The following PITPNC1 variants were observed in gnomAD, a reference collection of about 807,000 sequenced individuals.
PITPNC1 encodes cytoplasmic phosphatidylinositol transfer protein 1.
Under a neutral mutation model 44.7 loss-of-function variants are expected in PITPNC1, and 18 were observed. The observed-to-expected ratio is 0.40, with a 90% CI of 0.28 to 0.60. PITPNC1 has a LOEUF of 0.60. PITPNC1 is among the 20% of genes least tolerant of loss of function. PITPNC1 has a pLI of 0.39. For missense variants in PITPNC1, 290 were observed against 418.4 expected, an observed-to-expected ratio of 0.69 and a Z score of 2.68; for synonymous variants, 141 against 149.6, an observed-to-expected ratio of 0.94 and a Z score of 0.42.
At chr17:67,416,545 C>T (rs1202094895) in intron 1 of PITPNC1, among the ~76,000 whole-genome samples, 2 of 151,922 alleles carry the variant, frequency 1.3e-5, no homozygotes, top group African/African-American at 4.8e-5. Context: ...TACAATGGAG[C>T]ATTGTATATT....
chr17:67,424,655 TCA>T (rs1178323898), intron 1 of PITPNC1, among the ~76,000 whole-genome samples: 2 of 151,938 alleles, frequency 1.3e-5, no homozygotes, highest in Non-Finnish European at 2.9e-5. Flanking sequence ...AGACTCCGTC[TCA>T]CAAAAACAAA....
At chr17:67,630,850 T>A (rs1274989716) in intron 5 of PITPNC1, among the ~76,000 whole-genome samples, 1 of 151,484 alleles carries the variant, frequency 6.6e-6, no homozygotes, top group East Asian at 2.0e-4. Context: ...TAGCTGGGAT[T>A]ACAGGTGTGC....
intron 5 of PITPNC1, among the ~76,000 whole-genome samples, chr17:67,581,296 G>A (rs1041433040): frequency 6.6e-6 from 1 of 152,230 alleles, no homozygotes; most frequent in African/African-American, 2.4e-5. Context: ...AGGCCCCTTT[G>A]AGACTTAGGC....
rs531925219 is a variant in PITPNC1 at position 67,462,997 on chromosome 17, C to T, written c.49-69805C>T. ...GATTACAGGCGTGAGCCGCCGCCCC[C>T]GGCAACAATTGGAAATTTTTTAAAA... On this transcript the variant is annotated intron_variant, in intron 1 of 8. Coordinates refer to ENST00000581322, the MANE Select transcript of PITPNC1 (RefSeq NM_012417.4). Among the ~76,000 whole-genome samples, 261 of 152,266 alleles carry T rather than the reference C, an allele frequency of 1.7e-3. 1 individual carries two copies. Among genetic ancestry groups the T allele is most frequent in the Non-Finnish European group, 2.9e-3 (196 of 68,024 alleles).
intron 1 of PITPNC1, among the ~76,000 whole-genome samples, chr17:67,530,314 A>G (rs1027366699): frequency 1.3e-5 from 2 of 151,884 alleles, no homozygotes; most frequent in African/African-American, 2.4e-5. Flanking sequence ...GATGGTCTCT[A>G]TCTCCTGACC....
rs111905156 is a variant in PITPNC1 at position 67,506,085 on chromosome 17, C to T, written c.49-26717C>T. ...ACTCAGTCCCTTTCCCTTTTCTCTC[C>T]CTCCTCCCTCAAATCATCATGCTTG... On this transcript the variant is annotated intron_variant, in intron 1 of 8. Transcript: ENST00000581322. Among the ~76,000 whole-genome samples, 871 of 152,176 alleles carry T rather than the reference C, an allele frequency of 5.7e-3. 10 individuals carry two copies. The highest frequency in any genetic ancestry group is 0.02 in the African/African-American group (838 of 41,510).
At chr17:67,571,497 G>A (rs116176199) in intron 4 of PITPNC1, among the ~76,000 whole-genome samples, 1 of 152,356 alleles carries the variant, frequency 6.6e-6, no homozygotes, top group African/African-American at 2.4e-5. Context: ...CCATGGGTCA[G>A]GAGTTGGAAC....
chr17:67,552,452 C>A (rs894163160), intron 3 of PITPNC1, 107 bp downstream of exon 3: 26 of 706,764 alleles, frequency 3.7e-5, no homozygotes, highest in Non-Finnish European at 6.4e-5. Context: ...CTTGTGGGAG[C>A]CCCGTAGTAT....
chr17:67,453,938 T>C (rs1382878180), intron 1 of PITPNC1, among the ~76,000 whole-genome samples: 3 of 152,068 alleles, frequency 2.0e-5, no homozygotes, highest in Non-Finnish European at 2.9e-5. Context: ...ACTTTTCACA[T>C]GGGGGAAGCA....
Position 67,695,427 on chromosome 17 carries a change from A to G in PITPNC1, c.*2539A>G, listed in dbSNP as rs545584650. On this transcript the variant is annotated 3_prime_UTR_variant, in exon 9 of 9. Coordinates refer to ENST00000581322, the MANE Select transcript of PITPNC1 (RefSeq NM_012417.4). ...TGCAATGGATGTATATATACAGAAC[A>G]TTAATAATTCTTAGAAGGATGGAAG... The G allele has an allele frequency of 6.6e-6, 1 of 152,034 alleles. No homozygotes were observed. 9.4% of individuals were successfully genotyped at this position (152,034 alleles called of 1,614,324 possible).
At chr17:67,393,446 A>G (rs2038168824) in intron 1 of PITPNC1, among the ~76,000 whole-genome samples, 1 of 151,884 alleles carries the variant, frequency 6.6e-6, no homozygotes. Context: ...CATTAAACTC[A>G]TTCATCGTTT....
At chr17:67,626,409 C>T (rs1276133460) in intron 5 of PITPNC1, among the ~76,000 whole-genome samples, 3 of 152,256 alleles carry the variant, frequency 2.0e-5, no homozygotes, top group East Asian at 1.9e-4. Flanking sequence ...CTTGCCCTGT[C>T]GCACAGGCTG....
chr17:67,639,454 G>A (rs1194350454), intron 6 of PITPNC1, among the ~76,000 whole-genome samples: 1 of 152,182 alleles, frequency 6.6e-6, no homozygotes, highest in Non-Finnish European at 1.5e-5. Context: ...AGGATATAAA[G>A]GCCATCTTAC....
intron 1 of PITPNC1, among the ~76,000 whole-genome samples, chr17:67,405,393 G>A (rs1189768553): frequency 6.6e-6 from 1 of 151,542 alleles, no homozygotes; most frequent in African/African-American, 2.4e-5. Flanking sequence ...CTCCAGTCTG[G>A]GTGATAGAGC....
At chr17:67,556,956 T>C (rs2040844972) in intron 4 of PITPNC1, among the ~76,000 whole-genome samples, 1 of 152,140 alleles carries the variant, frequency 6.6e-6, no homozygotes, top group Non-Finnish European at 1.5e-5. Context: ...GGGAGAAATA[T>C]GAGGAGGTTT....
intron 1 of PITPNC1, among the ~76,000 whole-genome samples, chr17:67,443,612 A>G (rs866858852): frequency 6.7e-6 from 1 of 148,926 alleles, no homozygotes; most frequent in Non-Finnish European, 1.5e-5. Context: ...ACAGAGGACA[A>G]TAGGCAGAGA....
intron 1 of PITPNC1, among the ~76,000 whole-genome samples, chr17:67,416,108 G>A (rs1049527635): frequency 6.6e-6 from 1 of 150,882 alleles, no homozygotes; most frequent in African/African-American, 2.4e-5. Flanking sequence ...ACGGACCCAG[G>A]TACTTACTGA....
rs71687631 is a variant in PITPNC1 at position 67,416,203 on chromosome 17, C to CTTTTTTTTTTT, written c.48+38016_48+38026dup. ...TCCCTTTCCTTGTTTACATGTATTG[C>CTTTTTTTTTTT]TTTTTTTTTTTTTTTTTTTTTTTTT... On this transcript the variant is annotated intron_variant, in intron 1 of 8. Transcript: ENST00000581322. 1.6e-4 allele frequency among the ~76,000 whole-genome samples: 11 copies of CTTTTTTTTTTT among 67,614 alleles called. 1 individual carries two copies. Among genetic ancestry groups the CTTTTTTTTTTT allele is most frequent in the African/African-American group, 1.9e-4 (3 of 15,686 alleles). 44.4% of individuals were successfully genotyped at this position (67,614 alleles called of 152,430 possible).
rs2537845 is a variant in PITPNC1, at chr17:67,694,147, G to C, written c.*1259G>C. 1.3e-5 allele frequency: 2 copies of C among 152,132 alleles called. No individual in the cohort carries two copies. The highest frequency in any genetic ancestry group is 1.5e-5 in the Non-Finnish European group (1 of 68,022). The allele number at this position is 152,132 out of a possible 1,614,324, so 9.4% of individuals were successfully genotyped here. On this transcript the variant is annotated 3_prime_UTR_variant, in exon 9 of 9. Coordinates refer to ENST00000581322, the MANE Select transcript of PITPNC1 (RefSeq NM_012417.4). ...AGAATCAAGGTTGACAGGAGGCAAG[G>C]TCACTCACTGAAGTGACAGAAAGAC...
Sources: allele counts gnomAD v4.1 joint callset (sites outside exome capture counted in the v4.1 genomes callset), GRCh38; gene constraint gnomAD v4.1.1; transcripts MANE v1.5; gene names NCBI Gene and HGNC (gene_info 2026-07-23, HGNC 2026-07-21).